SMAD9: variants seen among roughly 807,000 people sequenced by gnomAD.
SMAD9 encodes the protein MAD homolog 9.
A neutral mutation model predicts 46.1 loss-of-function variants in SMAD9; 36 were observed. The ratio of observed to expected loss-of-function variants is 0.78; its 90% CI spans 0.60 to 1.03. SMAD9 has a LOEUF of 1.03. SMAD9 is among the 50% of genes least tolerant of loss of function. The probability of loss-of-function intolerance (pLI) is 0.00; values close to 1 mark genes in which losing one functional copy is unlikely to be tolerated. For missense variants in SMAD9, 572 were observed against 599.8 expected (o/e 0.95, Z 0.48); for synonymous variants, 245 against 237.1 (o/e 1.03, Z -0.31).
intron 1 of SMAD9, among the ~76,000 whole-genome samples, chr13:36,919,438 C>T (rs2058723947): frequency 6.6e-6 from 1 of 152,168 alleles, no homozygotes; most frequent in Non-Finnish European, 1.5e-5. Flanking sequence ...AGCCCGGAGA[C>T]ACTTCAACAA....
At chr13:36,919,672 G>A (rs1278457115) in intron 1 of SMAD9, among the ~76,000 whole-genome samples, 1 of 150,802 alleles carries the variant, frequency 6.6e-6, no homozygotes, top group African/African-American at 2.4e-5. Context: ...CCACGCCCCG[G>A]GCCCCAGCCC....
intron 4 of SMAD9, among the ~76,000 whole-genome samples, chr13:36,866,832 A>C (rs2058239536): frequency 6.6e-6 from 1 of 152,250 alleles, no homozygotes; most frequent in Admixed American, 6.5e-5. Flanking sequence ...ATGAACATTA[A>C]GGTCGAGCAA....
chr13:36,871,424 G>A (rs1301553749), intron 3 of SMAD9, among the ~76,000 whole-genome samples: 3 of 152,116 alleles, frequency 2.0e-5, no homozygotes, highest in Non-Finnish European at 2.9e-5. Context: ...AGACTGAGGT[G>A]GGAGAATTGC....
At chr13:36,863,180 CA>C (rs1259134551) in intron 5 of SMAD9, among the ~76,000 whole-genome samples, 1 of 152,218 alleles carries the variant, frequency 6.6e-6, no homozygotes, top group African/African-American at 2.4e-5. Context: ...CCCATGGCAG[CA>C]TCTGAGAGAG....
At chr13:36,878,676 A>G (rs949901397) in intron 2 of SMAD9, among the ~76,000 whole-genome samples, 2 of 152,192 alleles carry the variant, frequency 1.3e-5, no homozygotes, top group African/African-American at 2.4e-5. Flanking sequence ...GAACTTGAAC[A>G]AAGTAGCAGC....
intron 1 of SMAD9, among the ~76,000 whole-genome samples, chr13:36,911,561 A>T (rs2058661183): frequency 7.3e-6 from 1 of 136,714 alleles, no homozygotes; most frequent in Admixed American, 8.8e-5. Flanking sequence ...GGCAATTTTT[A>T]AAATTTTATA....
intron 1 of SMAD9, among the ~76,000 whole-genome samples, chr13:36,910,410 T>G (rs1001022504): frequency 1.3e-5 from 2 of 152,048 alleles, no homozygotes; most frequent in Non-Finnish European, 2.9e-5. Flanking sequence ...ATGATACACT[T>G]GTCCAAACCC....
At chr13:36,866,657 G>A (rs948386884) in intron 4 of SMAD9, among the ~76,000 whole-genome samples, 8 of 152,128 alleles carry the variant, frequency 5.3e-5, no homozygotes, top group Admixed American at 6.5e-5. Context: ...TTCACTTGGA[G>A]TATTTCAAAT....
At chr13:36,865,862 G>A (rs183967134) in intron 4 of SMAD9, 104 bp from the exon 5 acceptor site, 77 of 965,878 alleles carry the variant, frequency 8.0e-5, no homozygotes, top group Middle Eastern at 4.5e-4. Context: ...CCAGAAAGTC[G>A]GCTGCAAGAC....
intron 3 of SMAD9, among the ~76,000 whole-genome samples, chr13:36,870,565 G>C (rs2058281347): frequency 7.6e-6 from 1 of 131,570 alleles, no homozygotes; most frequent in African/African-American, 3.2e-5. Flanking sequence ...CAGGCTACCT[G>C]TATGTGATGG....
chr13:36,849,045 T>G (rs2058054582), intron 6 of SMAD9, among the ~76,000 whole-genome samples: 1 of 152,202 alleles, frequency 6.6e-6, no homozygotes, highest in African/African-American at 2.4e-5. Flanking sequence ...GGTTCACAAC[T>G]GAATACTCGG....
intron 1 of SMAD9, among the ~76,000 whole-genome samples, chr13:36,899,138 A>G (rs1233505961): frequency 1.3e-5 from 2 of 152,078 alleles, no homozygotes; most frequent in African/African-American, 4.8e-5. Flanking sequence ...GCAGAAAACA[A>G]ATGGAAAATT....
In SMAD9 at chr13:36,903,704, TAC is replaced by T. The variant is rs571511905; in HGVS notation, c.-187+16410_-187+16411del. ...GTAATTCTTCTAGATAAGTTAATTTTACAGTCATACTATATATAATGCAAAAG... is the reference window on the plus strand; with the variant it reads ...GTAATTCTTCTAGATAAGTTAATTTTAGTCATACTATATATAATGCAAAAG... On this transcript the variant is annotated intron_variant, in intron 1 of 6. Transcript: ENST00000379826. Among the ~76,000 whole-genome samples, 127 of 152,346 alleles carry T rather than the reference TAC, an allele frequency of 8.3e-4. 1 individual carries two copies. Among genetic ancestry groups the T allele is most frequent in the Non-Finnish European group, 1.6e-3 (106 of 68,028 alleles).
chr13:36,899,823 A>T (rs937718496), intron 1 of SMAD9, among the ~76,000 whole-genome samples: 1 of 152,202 alleles, frequency 6.6e-6, no homozygotes, highest in Non-Finnish European at 1.5e-5. Flanking sequence ...TTGAATTATT[A>T]AAGTAGCCTT....
intron 2 of SMAD9, among the ~76,000 whole-genome samples, chr13:36,877,351 AC>A (rs1469808226): frequency 6.6e-6 from 1 of 152,210 alleles, no homozygotes; most frequent in Non-Finnish European, 1.5e-5. Context: ...ACAGAGCAAG[AC>A]AAAAAAACAA....
rs892175125 is a variant in SMAD9 at position 36,881,465 on chromosome 13, T to C, written c.-186-1590A>G. Among the ~76,000 whole-genome samples the C allele has an allele frequency of 3.0e-4, 46 of 152,260 alleles. 1 individual carries two copies. Among genetic ancestry groups the C allele is most frequent in the Admixed American group, 2.9e-3 (44 of 15,292 alleles). On this transcript the variant is annotated intron_variant, in intron 1 of 6. Coordinates refer to ENST00000379826, the MANE Select transcript of SMAD9 (RefSeq NM_001127217.3). ...TAAACTTCTTTCGAACAAAGGTGCC[T>C]TATAACCCCCCGCTAGGGTGATCAT...
At chr13:36,915,890 C>T (rs972551117) in intron 1 of SMAD9, among the ~76,000 whole-genome samples, 3 of 147,868 alleles carry the variant, frequency 2.0e-5, no homozygotes, top group African/African-American at 4.9e-5. Context: ...CCAATTAAAA[C>T]GGTACAACTG....
chr13:36,897,377 T>C (rs948690788), intron 1 of SMAD9, among the ~76,000 whole-genome samples: 2 of 152,234 alleles, frequency 1.3e-5, no homozygotes, highest in South Asian at 2.1e-4. Context: ...TGCAACTTGC[T>C]TGAGGATATT....
chr13:36,857,361 G>A (rs763058364), intron 5 of SMAD9, among the ~76,000 whole-genome samples: 8 of 152,166 alleles, frequency 5.3e-5, no homozygotes, highest in Admixed American at 3.3e-4. Context: ...TACTGCCTGA[G>A]ATCATAAAGA....
Sources: allele counts gnomAD v4.1 joint callset (sites outside exome capture counted in the v4.1 genomes callset), GRCh38; gene constraint gnomAD v4.1.1; transcripts MANE v1.5; gene names NCBI Gene and HGNC (gene_info 2026-07-23, HGNC 2026-07-21).